The following NEBL variants were observed in gnomAD, a reference collection of about 807,000 sequenced individuals.
NEBL encodes the protein nebulette, also known as LIM and SH3 protein 2.
A neutral mutation model predicts 140.2 loss-of-function variants in NEBL; 122 were observed. That is an observed-to-expected ratio of 0.87 (90% CI 0.75 to 1.01). The LOEUF (loss-of-function observed/expected upper bound fraction) is 1.01. Ranked by LOEUF, NEBL falls within the 50% of genes least tolerant of loss-of-function variation. The pLI is 0.00. For synonymous variants in NEBL, 436 were observed against 398.9 expected (o/e 1.09, Z -1.11); for missense variants, 1,365 against 1,231.3 (o/e 1.11, Z -1.62).
chr10:20,859,938 T>C (rs1843502872), intron 7 of NEBL, 112 bp from the exon 8 acceptor site: 2 of 613,322 alleles, frequency 3.3e-6, no homozygotes, highest in Admixed American at 6.3e-5. Flanking sequence ...CAAGTGTAAA[T>C]TCCTGGTATC....
At chr10:20,819,149 A>T in intron 20 of NEBL, 1 of 881,766 alleles carries the variant, frequency 1.1e-6, no homozygotes, top group Non-Finnish European at 1.5e-6. Flanking sequence ...TGTTGTACAG[A>T]TGACTTCATC....
At chr10:20,893,127 C>T (rs1847166273) in intron 2 of NEBL, among the ~76,000 whole-genome samples, 1 of 152,196 alleles carries the variant, frequency 6.6e-6, no homozygotes, top group Admixed American at 6.5e-5. Flanking sequence ...AGGCTGCATG[C>T]AGATGTGGTC....
intron 2 of NEBL, among the ~76,000 whole-genome samples, chr10:21,042,207 T>C (rs2131833158): frequency 6.6e-6 from 1 of 152,316 alleles, no homozygotes; most frequent in East Asian, 1.9e-4. Flanking sequence ...TCTCATTTAA[T>C]CCTCCCAACA....
chr10:20,812,613 G>T (rs559594901), intron 24 of NEBL, among the ~76,000 whole-genome samples, 156 bp downstream of exon 24: 1 of 152,000 alleles, frequency 6.6e-6, no homozygotes, highest in Non-Finnish European at 1.5e-5. Flanking sequence ...ATTCCACATC[G>T]TACAAAAATA....
In NEBL at chr10:20,784,240, C is replaced by A. The variant is rs1197203847; in HGVS notation, c.*1507G>T. On this transcript the variant is annotated 3_prime_UTR_variant, in exon 28 of 28. Coordinates refer to ENST00000377122, the MANE Select transcript of NEBL (RefSeq NM_006393.3). ...ACCCTAAGTGAATGCCACCCCGTTG[C>A]AGGTCACAGTAAACGGCACAATCAG... is the stretch of plus-strand genomic sequence containing the variant. 2.0e-4 allele frequency: 30 copies of A among 152,166 alleles called. No homozygotes were observed. The highest frequency in any genetic ancestry group is 2.0e-3 in the Admixed American group (30 of 15,266). The allele number at this position is 152,166 out of a possible 1,614,324, so 9.4% of individuals were successfully genotyped here.
intron 2 of NEBL, among the ~76,000 whole-genome samples, chr10:21,093,863 T>C (rs1186900583): frequency 6.6e-6 from 1 of 152,256 alleles, no homozygotes; most frequent in Non-Finnish European, 1.5e-5. Context: ...GTGTTACTCA[T>C]GATCCATGAA....
intron 2 of NEBL, among the ~76,000 whole-genome samples, chr10:21,155,533 T>C (rs1348185039): frequency 1.3e-5 from 2 of 152,204 alleles, no homozygotes; most frequent in African/African-American, 2.4e-5. Flanking sequence ...TAACATACAG[T>C]GTTTCTCTTT....
intron 2 of NEBL, among the ~76,000 whole-genome samples, chr10:20,890,418 A>T (rs1399736338): frequency 2.6e-5 from 4 of 152,226 alleles, no homozygotes; most frequent in African/African-American, 7.2e-5. Context: ...TTAAATGGGG[A>T]TCACTATTAC....
chr10:20,930,786 C>T (rs1564448410), intron 4 of NEBL, among the ~76,000 whole-genome samples: 1 of 152,170 alleles, frequency 6.6e-6, no homozygotes, highest in African/African-American at 2.4e-5. Flanking sequence ...TCTTTTACCA[C>T]ACAGGAGCAT....
intron 13 of NEBL, among the ~76,000 whole-genome samples, chr10:20,837,375 T>C (rs967598322): frequency 6.6e-6 from 1 of 152,206 alleles, no homozygotes; most frequent in Non-Finnish European, 1.5e-5. Flanking sequence ...CAACATCCCC[T>C]TAAACCAAAC....
intron 2 of NEBL, among the ~76,000 whole-genome samples, chr10:21,110,398 C>T (rs579039): frequency 0.21 from 31,393 of 152,046 alleles, 3,387 homozygotes; most frequent in East Asian, 0.32. Flanking sequence ...AAATTTTTCT[C>T]TTTCATGTAG....
At chr10:20,843,102 T>C (rs1404245678) in intron 12 of NEBL, among the ~76,000 whole-genome samples, 1 of 151,988 alleles carries the variant, frequency 6.6e-6, no homozygotes, top group African/African-American at 2.4e-5. Flanking sequence ...TGGGAGGTGA[T>C]TAGGGTTAGA....
intron 2 of NEBL, 62 bp downstream of exon 2, chr10:20,896,896 T>C (rs1419247465): frequency 5.9e-6 from 8 of 1,363,542 alleles, no homozygotes; most frequent in African/African-American, 5.7e-5. Flanking sequence ...TCTATGACTC[T>C]ATAACATAAT....
intron 2 of NEBL, among the ~76,000 whole-genome samples, chr10:21,097,709 G>T (rs1161599922): frequency 1.3e-5 from 2 of 152,164 alleles, no homozygotes; most frequent in African/African-American, 2.4e-5. Context: ...ATAAGTCTCG[G>T]TCAATTTCTG....
chr10:21,016,817 A>C (rs565472285), intron 3 of NEBL, among the ~76,000 whole-genome samples: 1 of 152,232 alleles, frequency 6.6e-6, no homozygotes, highest in Non-Finnish European at 1.5e-5. Flanking sequence ...ATGAAATCCA[A>C]TGCCATTACT....
At chr10:20,858,864 T>C (rs1843376050) in intron 8 of NEBL, among the ~76,000 whole-genome samples, 1 of 152,196 alleles carries the variant, frequency 6.6e-6, no homozygotes, top group Non-Finnish European at 1.5e-5. Flanking sequence ...ATCTCCACAA[T>C]AACCTCTTTA....
chr10:20,882,994 C>A (rs1846160094), intron 4 of NEBL, among the ~76,000 whole-genome samples: 1 of 152,196 alleles, frequency 6.6e-6, no homozygotes, highest in African/African-American at 2.4e-5. Context: ...ACACCCGTCA[C>A]TGACTTCTGT....
intron 2 of NEBL, among the ~76,000 whole-genome samples, chr10:21,054,014 C>T (rs1023472716): frequency 7.2e-6 from 1 of 139,718 alleles, no homozygotes; most frequent in African/African-American, 2.7e-5. Flanking sequence ...GCCTGGGCGA[C>T]GAAGCAAGAC....
chr10:21,164,739 C>T (rs1040843483), intron 2 of NEBL, among the ~76,000 whole-genome samples: 3 of 152,172 alleles, frequency 2.0e-5, no homozygotes, highest in Admixed American at 6.5e-5. Context: ...CGGTCCAATA[C>T]GGTGACTGAG....
Sources: gnomAD v4.1 joint callset for allele counts (sites outside exome capture counted in the v4.1 genomes callset) on GRCh38, gnomAD v4.1.1 for gene constraint, MANE v1.5 for transcripts, NCBI Gene and HGNC (gene_info 2026-07-23, HGNC 2026-07-21) for gene names.